Variants in PHF8 observed in about 807,000 individuals in gnomAD.
The protein encoded by PHF8 is PHD finger protein 8, also known as histone lysine demethylase PHF8.
Under a neutral mutation model 74.4 loss-of-function variants are expected in PHF8, and 9 were observed. The ratio of observed to expected loss-of-function variants is 0.12; its 90% CI spans 0.07 to 0.21. The LOEUF is 0.21. Ranked by LOEUF, PHF8 falls within the 10% of genes least tolerant of loss-of-function variation. The pLI, the probability that PHF8 is intolerant of heterozygous loss-of-function variation, is 1.00. For missense variants in PHF8, 478 were observed against 816.6 expected, an observed-to-expected ratio of 0.59 and a Z score of 5.05; for synonymous variants, 311 against 316.6, an observed-to-expected ratio of 0.98 and a Z score of 0.19.
intron 10 of PHF8, 27 bp from the exon 11 acceptor site, chrX:53,999,988 T>TTTG: frequency 1.0e-6 from 1 of 984,498 alleles, no homozygotes; most frequent in Admixed American, 2.2e-5. Context: ...GAAAGCAGAG[T>TTTG]GTCAACAAAG....
intron 18 of PHF8, among the ~76,000 whole-genome samples, chrX:53,964,341 C>T (rs2065147073): frequency 9.1e-6 from 1 of 110,220 alleles, no homozygotes; most frequent in Non-Finnish European, 1.9e-5. Context: ...ATGTAACAAA[C>T]CTGCACGTTC....
chrX:54,044,078 C>A lies in PHF8; in HGVS notation c.-409G>T. ...GCTGGGTCGCGCGGCGCCAGCCGCT[C>A]AACGGTGCTTCAGAGCAGCCTCCTC... On this transcript the variant is annotated 5_prime_UTR_variant, in exon 1 of 22. Coordinates refer to ENST00000338154, the MANE Select transcript of PHF8 (RefSeq NM_015107.3). 1.3e-6 allele frequency: 1 copy of A among 755,334 alleles called. No individual in the cohort carries two copies. Among genetic ancestry groups the A allele is most frequent in the Non-Finnish European group, 1.6e-6 (1 of 639,608 alleles). 62.2% of individuals were successfully genotyped at this position (755,334 alleles called of 1,213,427 possible).
chrX:54,002,095 C>A (rs2065836450), intron 10 of PHF8, 60 bp downstream of exon 10: 1 of 599,417 alleles, frequency 1.7e-6, no homozygotes, highest in African/African-American at 2.2e-5. Flanking sequence ...TACACATACA[C>A]ACATACTCAT....
intron 18 of PHF8, among the ~76,000 whole-genome samples, chrX:53,968,082 T>C (rs1225094197): frequency 2.0e-5 from 2 of 97,721 alleles, no homozygotes; most frequent in East Asian, 3.1e-4. Flanking sequence ...GCCAAATCCC[T>C]CTCTGTGAGA....
Position 53,938,917 on chromosome X carries a change from TGGAAACCTCTCCCA to T in PHF8, c.*227_*240del. The T allele has an allele frequency of 1.0e-6, 1 of 967,814 alleles. No individual in the cohort carries two copies. The highest frequency in any genetic ancestry group is 1.3e-6 in the Non-Finnish European group (1 of 772,729). 79.8% of individuals were successfully genotyped at this position (967,814 alleles called of 1,213,427 possible). ...AGTAGAAAAGAGGGTTCTAGTCAGCTGGAAACCTCTCCCATTTACCTGCTCCTCAGTGGAGAAGG... is the reference window on the plus strand; with the variant it reads ...AGTAGAAAAGAGGGTTCTAGTCAGCTTTTACCTGCTCCTCAGTGGAGAAGG... On this transcript the variant is annotated 3_prime_UTR_variant, in exon 22 of 22. Coordinates refer to ENST00000338154, the MANE Select transcript of PHF8 (RefSeq NM_015107.3).
chrX:54,014,081 A>G (rs1343136483), intron 7 of PHF8, among the ~76,000 whole-genome samples: 5 of 109,127 alleles, frequency 4.6e-5, no homozygotes, highest in Non-Finnish European at 9.5e-5. Context: ...TCAGCCTCCC[A>G]AGTAGCTGGG....
At chrX:53,961,079 T>C (rs2065097147) in intron 19 of PHF8, among the ~76,000 whole-genome samples, 1 of 109,154 alleles carries the variant, frequency 9.2e-6, no homozygotes, top group Admixed American at 9.8e-5. Flanking sequence ...TGGAGTGCAG[T>C]GGCATGGTCT....
intron 19 of PHF8, among the ~76,000 whole-genome samples, chrX:53,953,703 G>GT (rs2064968144): frequency 9.2e-6 from 1 of 108,327 alleles, no homozygotes; most frequent in Non-Finnish European, 1.9e-5. Flanking sequence ...AAAGAAGGCA[G>GT]TAACTAATGG....
At chrX:54,021,454 A>ATTTTTTTTTTT (rs1156928686) in intron 4 of PHF8, among the ~76,000 whole-genome samples, 1 of 42,166 alleles carries the variant, frequency 2.4e-5, no homozygotes, top group Non-Finnish European at 3.9e-5. Flanking sequence ...AGTTGCAATT[A>ATTTTTTTTTTT]TTTTTTTTTT....
intron 18 of PHF8, among the ~76,000 whole-genome samples, chrX:53,967,326 G>C (rs1557093198): frequency 9.9e-6 from 1 of 101,282 alleles, no homozygotes. Context: ...GGGGGGGTCA[G>C]CCCCCCGCCC....
At chrX:53,956,379 G>A (rs2065013512) in intron 19 of PHF8, among the ~76,000 whole-genome samples, 1 of 111,763 alleles carries the variant, frequency 8.9e-6, no homozygotes, top group African/African-American at 3.2e-5. Context: ...ATACGTATGA[G>A]TCAGTACACA....
chrX:54,021,784 A>T (rs782277177), intron 4 of PHF8, among the ~76,000 whole-genome samples: 41 of 111,093 alleles, frequency 3.7e-4, no homozygotes, highest in African/African-American at 1.3e-3. Flanking sequence ...AATTATTTTT[A>T]AAAAACCTGA....
chrX:54,033,788 T>G (rs1557113237), intron 2 of PHF8, among the ~76,000 whole-genome samples: 1 of 109,744 alleles, frequency 9.1e-6, no homozygotes, highest in African/African-American at 3.3e-5. Flanking sequence ...CCAGGCATGG[T>G]GGTATGTGCC....
chrX:53,991,812 G>A (rs1036980543), intron 14 of PHF8, among the ~76,000 whole-genome samples: 1 of 110,233 alleles, frequency 9.1e-6, no homozygotes, highest in Non-Finnish European at 1.9e-5. Context: ...AGCTCAGCCT[G>A]GGCAATAACA....
chrX:53,962,982 A>G (rs782814206), intron 18 of PHF8, 43 bp from the exon 19 acceptor site: 1 of 827,291 alleles, frequency 1.2e-6, no homozygotes, highest in Non-Finnish European at 1.8e-6. Flanking sequence ...GATTTCATCC[A>G]AAGGGTGAAG....
chrX:54,024,082 A>G (rs2066224795), intron 2 of PHF8, among the ~76,000 whole-genome samples: 1 of 111,401 alleles, frequency 9.0e-6, no homozygotes. Context: ...GGATATCACC[A>G]TCAACTTTGT....
At chrX:54,002,730 C>T in intron 8 of PHF8, 48 bp from the exon 9 acceptor site, 3 of 823,480 alleles carry the variant, frequency 3.6e-6, no homozygotes, top group Non-Finnish European at 5.5e-6. Flanking sequence ...GCCTTTCTTC[C>T]TCTGATTATC....
intron 19 of PHF8, among the ~76,000 whole-genome samples, chrX:53,954,973 G>C (rs1557088226): frequency 1.8e-5 from 2 of 111,079 alleles, no homozygotes; most frequent in African/African-American, 6.5e-5. Flanking sequence ...TTATAACCAG[G>C]CATATGGGAA....
chrX:54,039,133 CAAAAAAAAAAAA>C (rs61507959), intron 2 of PHF8, among the ~76,000 whole-genome samples: 8 of 42,622 alleles, frequency 1.9e-4, no homozygotes, highest in Non-Finnish European at 2.8e-4. Flanking sequence ...GACTCTGTCT[CAAAAAAAAAAAA>C]AAAAAAAAGA....
Sources: gnomAD v4.1 joint callset for allele counts (sites outside exome capture counted in the v4.1 genomes callset) on GRCh38, gnomAD v4.1.1 for gene constraint, MANE v1.5 for transcripts, NCBI Gene and HGNC (gene_info 2026-07-23, HGNC 2026-07-21) for gene names.